The following PRRC2C variants were observed in gnomAD, a reference collection of about 807,000 sequenced individuals.
PRRC2C encodes proline rich coiled-coil 2C.
PRRC2C carries 72 observed loss-of-function variants against 317.2 expected under a neutral mutation model. The ratio of observed to expected loss-of-function variants is 0.23; its 90% CI spans 0.19 to 0.28. The LOEUF (loss-of-function observed/expected upper bound fraction) is 0.28. Among genes scored for constraint, PRRC2C ranks in the 10% least tolerant of loss-of-function variants. The pLI, the probability that PRRC2C is intolerant of heterozygous loss-of-function variation, is 1.00. For synonymous variants in PRRC2C, 1,296 were observed against 1,205.9 expected (o/e 1.07, Z -1.55); for missense variants, 3,074 against 3,459.7 (o/e 0.89, Z 2.80).
In PRRC2C at chr1:171,579,926, G is replaced by A. The variant is rs1306373600; in HGVS notation, c.7371G>A (p.Gln2457=). 1.2e-5 allele frequency: 19 copies of A among 1,592,060 alleles called. No individual in the cohort carries two copies. The highest frequency in any genetic ancestry group is 1.5e-5 in the Non-Finnish European group (18 of 1,171,804). The change falls in exon 28 of 35, where the codon CAG becomes CAA. Residue 2457 remains glutamine, a synonymous_variant. Transcript: ENST00000647382. ...TGGGGGCTGGCCCTGCTGTTTCCCA[G>A]GCTCAGGAATTGTTCAGCTCCTCAC... is the stretch of plus-strand genomic sequence containing the variant. ...LSLGAGPAVS[Q]AQELFSSSLQ...
At chr1:171,536,672 G>A (rs1676902475) in intron 14 of PRRC2C, among the ~76,000 whole-genome samples, 1 of 151,996 alleles carries the variant, frequency 6.6e-6, no homozygotes, top group Non-Finnish European at 1.5e-5. Flanking sequence ...TTCCTTTTAG[G>A]TTAGGGGGAA....
chr1:171,587,132 A>T lies in PRRC2C; in HGVS notation c.7879A>T (p.Ser2627Cys), dbSNP rs1235163328. Residue 2627 changes from serine (S) to cysteine (C), a missense_variant, in exon 31 of 35, where the codon AGT (serine) becomes TGT (cysteine). Around this residue, in one of 11 missense-constraint regions of PRRC2C, gnomAD observed 490 missense variants for 663.1 expected, o/e 0.74. Coordinates refer to ENST00000647382, the MANE Select transcript of PRRC2C (RefSeq NM_001387844.1). ...TACCACTCCCCAAGCACAGGCTCAG[A>T]GTCTGAGTCGTCCTGCACAAGTAAG... ...QHTTPQAQAQ[S>C]LSRPAQVSQP... The T allele has an allele frequency of 1.9e-6, 3 of 1,611,208 alleles. No individual in the cohort carries two copies. The highest frequency in any genetic ancestry group is 2.5e-6 in the Non-Finnish European group (3 of 1,178,768).
At chr1:171,522,315 T>C (rs1435822471) in intron 7 of PRRC2C, 56 bp downstream of exon 7, 33 of 1,266,158 alleles carry the variant, frequency 2.6e-5, no homozygotes, top group Non-Finnish European at 3.6e-5. Context: ...TAAGATTTCC[T>C]GAAGGTTGAG....
chr1:171,569,864 T>C (rs1410198009), intron 23 of PRRC2C, among the ~76,000 whole-genome samples: 1 of 151,878 alleles, frequency 6.6e-6, no homozygotes, highest in Non-Finnish European at 1.5e-5. Context: ...TTATAAAATA[T>C]ATAAAATAAG....
rs780301569 is a variant in PRRC2C, at chr1:171,588,456, C to A, written c.8150C>A (p.Pro2717His). ...IVYQKQFQSAPATVRMTQPFP... is the reference protein window; with the variant it reads ...IVYQKQFQSAHATVRMTQPFP... ...TACCAGAAGCAGTTCCAGTCAGCCC[C>A]TGCCACTGTGAGAATGACACAACCA... The change falls in exon 33 of 35, where the codon CCT (proline) becomes CAT (histidine). Residue 2717 changes from proline (P) to histidine (H), a missense_variant. Physicochemically the swap from Pro to His is moderately conservative, Grantham distance 77 (BLOSUM62 -2). Around this residue, in one of 11 missense-constraint regions of PRRC2C, gnomAD observed 490 missense variants for 663.1 expected, o/e 0.74. Transcript: ENST00000647382. The A allele has an allele frequency of 1.2e-6, 2 of 1,613,924 alleles. No individual in the cohort carries two copies. The highest frequency in any genetic ancestry group is 4.5e-5 in the East Asian group (2 of 44,886).
At chr1:171,533,685 G>A (rs760829407) in intron 12 of PRRC2C, among the ~76,000 whole-genome samples, 9 of 151,978 alleles carry the variant, frequency 5.9e-5, no homozygotes, top group Non-Finnish European at 1.0e-4. Context: ...GTGCAGTGGC[G>A]GAATCTCAGC....
chr1:171,579,495 A>G (rs777414017), intron 27 of PRRC2C, 29 bp downstream of exon 27: 2 of 1,607,934 alleles, frequency 1.2e-6, no homozygotes, highest in East Asian at 4.5e-5. Flanking sequence ...TCCATCCTGT[A>G]TTTGTTCCTT....
intron 11 of PRRC2C, 24 bp from the exon 12 acceptor site, chr1:171,532,319 T>C: frequency 6.3e-7 from 1 of 1,587,002 alleles, no homozygotes; most frequent in Non-Finnish European, 8.6e-7. Context: ...TTGTCATAAC[T>C]CATCTGATAC....
intron 18 of PRRC2C, among the ~76,000 whole-genome samples, chr1:171,553,428 A>AT (rs571256893): frequency 0.012 from 1,691 of 146,922 alleles, 17 homozygotes; most frequent in African/African-American, 0.019. Flanking sequence ...AGATTCATTG[A>AT]TTTTTTTTTT....
chr1:171,487,488 G>T (rs567002091), intron 1 of PRRC2C, among the ~76,000 whole-genome samples: 2 of 152,248 alleles, frequency 1.3e-5, no homozygotes, highest in South Asian at 4.1e-4. Flanking sequence ...TTGTAAAAAT[G>T]GAATATATCC....
rs1377460976 is a variant in PRRC2C at position 171,501,878 on chromosome 1, G to T, written c.-57-10154G>T. On this transcript the variant is annotated intron_variant, in intron 1 of 34. Transcript: ENST00000647382. Reference sequence around the variant, plus strand: ...TTACTTAAATGTGGTTATGCTGAGTGCATCTGTGCCTACTCAGCAATTGAG... The same window carrying T: ...TTACTTAAATGTGGTTATGCTGAGTTCATCTGTGCCTACTCAGCAATTGAG... 2.0e-5 allele frequency among the ~76,000 whole-genome samples: 3 copies of T among 152,336 alleles called. No homozygotes were observed. In the East Asian group the frequency reaches 5.8e-4, roughly 29 times the overall value.
At chr1:171,582,871 CAA>C (rs1648997792) in intron 28 of PRRC2C, among the ~76,000 whole-genome samples, 1 of 128,826 alleles carries the variant, frequency 7.8e-6, no homozygotes, top group Non-Finnish European at 1.7e-5. Flanking sequence ...AAAAAAAAAA[CAA>C]ATTTTTCTTC....
Position 171,566,599 on chromosome 1 carries a change from A to G in PRRC2C, c.6314A>G (p.Asp2105Gly). ...ATAAACATTTGACTTTAGCTTCCAG[A>G]TTTGAGTCCAGTAGAAAACAAAGAA... The part of the protein sequence containing the change: ...AGPIKAQKLP[D>G]LSPVENKEHK... Residue 2105 changes from aspartate (D) to glycine (G), a missense_variant, in exon 22 of 35, where the codon GAT becomes GGT. Transcript: ENST00000647382. 1 of 1,576,320 alleles carries G rather than the reference A, an allele frequency of 6.3e-7. No homozygotes were observed.
intron 10 of PRRC2C, 67 bp from the exon 11 acceptor site, chr1:171,527,724 C>G: frequency 7.3e-7 from 1 of 1,375,556 alleles, no homozygotes; most frequent in Non-Finnish European, 1.0e-6. Flanking sequence ...CCACTGCACT[C>G]CAGCATGGGC....
chr1:171,577,046 C>A (rs1242284969), intron 25 of PRRC2C, among the ~76,000 whole-genome samples: 3 of 152,176 alleles, frequency 2.0e-5, no homozygotes, highest in Non-Finnish European at 4.4e-5. Flanking sequence ...TAGCACTTTT[C>A]TCTTTTGTGT....
At chr1:171,558,664 G>A (rs1168226830) in intron 19 of PRRC2C, among the ~76,000 whole-genome samples, 1 of 152,180 alleles carries the variant, frequency 6.6e-6, no homozygotes, top group Non-Finnish European at 1.5e-5. Context: ...TGTTTTGTGT[G>A]TTCTGACCAC....
intron 1 of PRRC2C, among the ~76,000 whole-genome samples, chr1:171,500,136 T>C (rs1668822310): frequency 6.6e-6 from 1 of 152,168 alleles, no homozygotes; most frequent in South Asian, 2.1e-4. Flanking sequence ...TAAACAGAGC[T>C]TGGATATTTA....
intron 16 of PRRC2C, among the ~76,000 whole-genome samples, chr1:171,543,949 C>A (rs1366026059): frequency 6.6e-6 from 1 of 152,128 alleles, no homozygotes; most frequent in Non-Finnish European, 1.5e-5. Flanking sequence ...CAGACCCGTT[C>A]ATGGTAACTA....
chr1:171,557,263 T>G lies in PRRC2C; in HGVS notation c.5151T>G (p.Asn1717Lys). 6.5e-7 allele frequency: 1 copy of G among 1,547,156 alleles called. No homozygotes were observed. Among genetic ancestry groups the G allele is most frequent in the Non-Finnish European group, 8.7e-7 (1 of 1,145,458 alleles). Residue 1717 changes from asparagine to lysine, a missense_variant, in exon 19 of 35, where the codon AAT becomes AAG. Around this residue, in one of 11 missense-constraint regions of PRRC2C, gnomAD observed 640 missense variants for 676.1 expected, o/e 0.95. Transcript: ENST00000647382. ...VIQVWNKKNA[N>K]EKGRSQTSKL... ...AGGTCTGGAACAAAAAGAATGCAAA[T>G]GAAAAAGGAAGAAGCCAGACTTCTA... is the stretch of plus-strand genomic sequence containing the variant.
Sources: gnomAD v4.1 joint callset for allele counts (sites outside exome capture counted in the v4.1 genomes callset) on GRCh38, gnomAD v4.1.1 for gene constraint, gnomAD v4.1.1 regional missense constraint, MANE v1.5 for transcripts, NCBI Gene and HGNC (gene_info 2026-07-23, HGNC 2026-07-21) for gene names.